The following ZNF475 variants were observed in gnomAD, a reference collection of about 807,000 sequenced individuals.
ZNF475 encodes zinc finger protein 475.
the ZNF475 span, among the ~76,000 whole-genome samples, chr5:122,169,288 C>A: frequency 4.6e-5 from 7 of 152,332 alleles, no homozygotes; most frequent in African/African-American, 1.7e-4. Context: ...GATCAAAACA[C>A]TTCCCTTTCT....
At chr5:122,167,236 T>C in the ZNF475 span, among the ~76,000 whole-genome samples, 1 of 152,244 alleles carries the variant, frequency 6.6e-6, no homozygotes, top group African/African-American at 2.4e-5. Context: ...TATTCATCTC[T>C]GGCTGCAGGG....
the ZNF475 span, among the ~76,000 whole-genome samples, chr5:122,170,196 AT>A: frequency 6.6e-6 from 1 of 152,200 alleles, no homozygotes; most frequent in Non-Finnish European, 1.5e-5. Flanking sequence ...AAATGTGTGG[AT>A]TTTTTCCCCC....
the ZNF475 span, among the ~76,000 whole-genome samples, chr5:122,168,474 G>A: frequency 6.6e-6 from 1 of 152,188 alleles, no homozygotes; most frequent in South Asian, 2.1e-4. Context: ...ACTTTGTGAG[G>A]CCAAGGTGGA....
chr5:122,182,619 T>C, the ZNF475 span: 2 of 1,535,214 alleles, frequency 1.3e-6, no homozygotes, highest in Non-Finnish European at 1.7e-6. Context: ...CCAACGATCT[T>C]GTAAACCCAA....
chr5:122,166,065 C>T, the ZNF475 span, among the ~76,000 whole-genome samples: 10 of 152,130 alleles, frequency 6.6e-5, no homozygotes, highest in Non-Finnish European at 8.8e-5. Context: ...TTCTTGTGCC[C>T]TTCTAGAGCC....
At chr5:122,168,873 G>A in the ZNF475 span, among the ~76,000 whole-genome samples, 3 of 115,816 alleles carry the variant, frequency 2.6e-5, no homozygotes, top group East Asian at 4.4e-4. Context: ...GACTGATGCA[G>A]CTCTCTTATA....
At chr5:122,171,300 A>C in the ZNF475 span, among the ~76,000 whole-genome samples, 1 of 152,182 alleles carries the variant, frequency 6.6e-6, no homozygotes. Context: ...ATACAAATTC[A>C]TTATAAAAAT....
chr5:122,174,868 C>A, the ZNF475 span, among the ~76,000 whole-genome samples: 1 of 152,086 alleles, frequency 6.6e-6, no homozygotes, highest in Non-Finnish European at 1.5e-5. Context: ...TTTAATTAAC[C>A]TTTCCAGTAA....
the ZNF475 span, among the ~76,000 whole-genome samples, chr5:122,173,843 T>C: frequency 3.3e-5 from 5 of 152,338 alleles, no homozygotes; most frequent in East Asian, 5.8e-4. Flanking sequence ...ACTAACTTTT[T>C]GTAAAAAAAG....
the ZNF475 span, among the ~76,000 whole-genome samples, chr5:122,175,773 G>T: frequency 6.6e-6 from 1 of 151,920 alleles, no homozygotes; most frequent in Non-Finnish European, 1.5e-5. Context: ...TGCCTCCTCT[G>T]TAATTTTTAA....
chr5:122,176,596 C>A, the ZNF475 span, among the ~76,000 whole-genome samples: 1 of 152,140 alleles, frequency 6.6e-6, no homozygotes, highest in African/African-American at 2.4e-5. Context: ...CAGATTGTCA[C>A]CTCCTATAAC....
the ZNF475 span, among the ~76,000 whole-genome samples, chr5:122,171,045 T>C: frequency 1.3e-5 from 2 of 152,330 alleles, no homozygotes; most frequent in South Asian, 2.1e-4. Flanking sequence ...CACAGCATTG[T>C]AATTTTATGC....
At chr5:122,172,507 A>C in the ZNF475 span, among the ~76,000 whole-genome samples, 1 of 152,198 alleles carries the variant, frequency 6.6e-6, no homozygotes, top group Non-Finnish European at 1.5e-5. Flanking sequence ...TCTACCAATC[A>C]GTCGATATCA....
At chr5:122,182,406 G>T in the ZNF475 span, 1 of 1,049,168 alleles carries the variant, frequency 9.5e-7, no homozygotes, top group Non-Finnish European at 1.3e-6. Flanking sequence ...AATAAAAACT[G>T]ATCCATTTTA....
At chr5:122,173,970 G>A in the ZNF475 span, among the ~76,000 whole-genome samples, 3 of 152,188 alleles carry the variant, frequency 2.0e-5, no homozygotes, top group Non-Finnish European at 2.9e-5. Flanking sequence ...CAGACTTACC[G>A]ACTTCCTCTT....
At chr5:122,179,072 C>T in the ZNF475 span, among the ~76,000 whole-genome samples, 1 of 152,196 alleles carries the variant, frequency 6.6e-6, no homozygotes, top group East Asian at 1.9e-4. Flanking sequence ...TTTCTGAGGC[C>T]TCTGTTCTGT....
the ZNF475 span, among the ~76,000 whole-genome samples, chr5:122,163,951 CT>C: frequency 2.8e-4 from 41 of 146,316 alleles, no homozygotes; most frequent in South Asian, 1.3e-3. Flanking sequence ...TCTGTGTCAC[CT>C]TTTTTTTTTT....
chr5:122,164,372 G>C, the ZNF475 span, among the ~76,000 whole-genome samples: 1 of 152,188 alleles, frequency 6.6e-6, no homozygotes, highest in Non-Finnish European at 1.5e-5. Context: ...CATGCCTGTT[G>C]GTTGAAATGG....
the ZNF475 span, chr5:122,182,370 A>C: frequency 1.4e-6 from 1 of 698,500 alleles, no homozygotes; most frequent in African/African-American, 1.8e-5. Flanking sequence ...AATATTTTCC[A>C]TAGAAAGTAG....
Sources: allele counts gnomAD v4.1 joint callset (sites outside exome capture counted in the v4.1 genomes callset), GRCh38; gene constraint gnomAD v4.1.1; transcripts MANE v1.5; gene names NCBI Gene and HGNC (gene_info 2026-07-23, HGNC 2026-07-21).